PACRG: variants seen among roughly 807,000 people sequenced by gnomAD.
PACRG encodes parkin coregulated.
In PACRG, 29 loss-of-function variants were observed where a neutral mutation model predicts 29.7. That is an observed-to-expected ratio of 0.98 (90% CI 0.73 to 1.33). PACRG has a LOEUF of 1.33. Among genes scored for constraint, PACRG ranks in the 40% most tolerant of loss-of-function variants. The pLI is 0.00. For synonymous variants in PACRG, 116 were observed against 118.7 expected (o/e 0.98, Z 0.15); for missense variants, 279 against 316.2 (o/e 0.88, Z 0.89).
Position 162,907,281 on chromosome 6 carries a change from T to G in PACRG, c.291+93000T>G, listed in dbSNP as rs1795998794. On this transcript the variant is annotated intron_variant, in intron 2 of 4. Transcript: ENST00000366888. ...TTCTATAGTTTAAAAATGGCTTAGA[T>G]TCAGTAGTTTATTTGTAAATATTAT... 2.0e-5 allele frequency among the ~76,000 whole-genome samples: 3 copies of G among 152,214 alleles called. No homozygotes were observed. In the South Asian group the frequency reaches 6.2e-4, roughly 31 times the overall value.
intron 2 of PACRG, among the ~76,000 whole-genome samples, chr6:162,954,287 T>G (rs1165283916): frequency 6.6e-6 from 1 of 152,218 alleles, no homozygotes; most frequent in Non-Finnish European, 1.5e-5. Flanking sequence ...ATGCTTTGGT[T>G]ATTTAGCTGT....
At chr6:163,176,769 C>T (rs1187181475) in intron 4 of PACRG, among the ~76,000 whole-genome samples, 1 of 152,176 alleles carries the variant, frequency 6.6e-6, no homozygotes, top group Non-Finnish European at 1.5e-5. Flanking sequence ...GAAATATATT[C>T]TAGGCTAAGG....
At chr6:162,971,465 G>C (rs540838849) in intron 2 of PACRG, among the ~76,000 whole-genome samples, 1 of 152,138 alleles carries the variant, frequency 6.6e-6, no homozygotes, top group Non-Finnish European at 1.5e-5. Flanking sequence ...CACCTTGGGA[G>C]GAAACCAGTC....
intron 4 of PACRG, among the ~76,000 whole-genome samples, chr6:163,294,782 A>G (rs1284635688): frequency 6.6e-6 from 1 of 151,638 alleles, no homozygotes; most frequent in Admixed American, 6.5e-5. Context: ...GAAGGAAAAC[A>G]GTTTTCATCT....
At chr6:163,037,884 T>A (rs1217906462) in intron 2 of PACRG, among the ~76,000 whole-genome samples, 3 of 152,276 alleles carry the variant, frequency 2.0e-5, no homozygotes, top group East Asian at 3.9e-4. Context: ...CTACTCCAAC[T>A]AGGAAGACAA....
chr6:162,924,042 G>A lies in PACRG; in HGVS notation c.291+109761G>A, dbSNP rs543712303. ...AGATATCTTTTCTTTTTTTGGGGGA[G>A]TGGGGTCTTCTTCAATTTCTTCCGC... is the stretch of plus-strand genomic sequence containing the variant. On this transcript the variant is annotated intron_variant, in intron 2 of 4. Transcript: ENST00000366888. Among the ~76,000 whole-genome samples the A allele has an allele frequency of 9.9e-5, 15 of 151,900 alleles. No individual in the cohort carries two copies. The East Asian group carries it at 1.7e-3, about 18-fold the overall frequency.
chr6:163,269,789 A>AAGGAAGG lies in PACRG; in HGVS notation c.614-45037_614-45036insGGAAGGA, dbSNP rs58330449. ...GACAGACAGACAGACAGACAGAAAG[A>AAGGAAGG]AAGAAAGGAAGGAAGGAAGGAAGGA... is the stretch of plus-strand genomic sequence containing the variant. On this transcript the variant is annotated intron_variant, in intron 4 of 4. Coordinates refer to ENST00000366888, the MANE Select transcript of PACRG (RefSeq NM_001080379.2). Among the ~76,000 whole-genome samples the AAGGAAGG allele has an allele frequency of 1.7e-4, 14 of 84,604 alleles. 2 individuals carry two copies. Among genetic ancestry groups the AAGGAAGG allele is most frequent in the South Asian group, 7.5e-4 (2 of 2,674 alleles). The allele number at this position is 84,604 out of a possible 152,430, so 55.5% of individuals were successfully genotyped here.
chr6:163,288,322 C>T (rs770303145), intron 4 of PACRG, among the ~76,000 whole-genome samples: 1 of 152,136 alleles, frequency 6.6e-6, no homozygotes, highest in African/African-American at 2.4e-5. Context: ...ATTCTGTAAC[C>T]GAGGTCATTA....
intron 2 of PACRG, among the ~76,000 whole-genome samples, chr6:162,912,376 G>A (rs1053798886): frequency 6.6e-6 from 1 of 152,062 alleles, no homozygotes; most frequent in East Asian, 1.9e-4. Context: ...GTCTTCGGGT[G>A]CATGTGTATG....
chr6:163,183,078 A>G (rs757641792), intron 4 of PACRG: 7 of 152,240 alleles, frequency 4.6e-5, no homozygotes, highest in Non-Finnish European at 8.8e-5. Flanking sequence ...ACAATTGAAG[A>G]GTGAATGAAT....
chr6:163,191,002 A>G, intron 4 of PACRG: 1 of 453,840 alleles, frequency 2.2e-6, no homozygotes, highest in Non-Finnish European at 4.4e-6. Context: ...GAAATCCCTT[A>G]TTTAGCATTT....
chr6:163,239,231 T>C (rs1782366305), intron 4 of PACRG, among the ~76,000 whole-genome samples: 3 of 152,230 alleles, frequency 2.0e-5, no homozygotes, highest in Non-Finnish European at 4.4e-5. Flanking sequence ...TAAGATATGA[T>C]TATTTTTCTA....
chr6:162,856,297 T>C (rs1272575935), intron 2 of PACRG, among the ~76,000 whole-genome samples: 2 of 152,158 alleles, frequency 1.3e-5, no homozygotes, highest in Non-Finnish European at 2.9e-5. Flanking sequence ...GGCCTCAAGC[T>C]ATCTTCCCAC....
At chr6:163,246,965 C>G (rs1782721693) in intron 4 of PACRG, among the ~76,000 whole-genome samples, 1 of 152,198 alleles carries the variant, frequency 6.6e-6, no homozygotes, top group South Asian at 2.1e-4. Context: ...AGGGCAATGT[C>G]CTCAGCAGTA....
chr6:162,826,890 ATCTTTCAAATGCTTTCCATT>A (rs1562637726), intron 2 of PACRG, among the ~76,000 whole-genome samples: 3 of 152,218 alleles, frequency 2.0e-5, no homozygotes, highest in Non-Finnish European at 2.9e-5. Flanking sequence ...AATGGAAAAC[ATCTTTCAAATGCTTTCCATT>A]TGCAGTAAGT....
chr6:162,872,314 T>C (rs1052944797), intron 2 of PACRG, among the ~76,000 whole-genome samples: 8 of 152,238 alleles, frequency 5.3e-5, no homozygotes, highest in African/African-American at 1.9e-4. Flanking sequence ...ACTTGATAAA[T>C]GTAATTTTAA....
At chr6:162,852,214 T>C (rs1228635364) in intron 2 of PACRG, among the ~76,000 whole-genome samples, 3 of 152,208 alleles carry the variant, frequency 2.0e-5, no homozygotes, top group African/African-American at 7.2e-5. Context: ...TTCAATCCAG[T>C]TTTTTTGTGA....
At chr6:162,936,530 TAGTG>T (rs1245214986) in intron 2 of PACRG, among the ~76,000 whole-genome samples, 9 of 152,316 alleles carry the variant, frequency 5.9e-5, no homozygotes, top group Admixed American at 1.3e-4. Context: ...TCAGAATTGG[TAGTG>T]AGAGGACATT....
intron 1 of PACRG, among the ~76,000 whole-genome samples, chr6:162,764,206 C>T (rs1049614340): frequency 2.0e-5 from 3 of 151,562 alleles, no homozygotes; most frequent in South Asian, 2.1e-4. Flanking sequence ...ACCCAGGAGG[C>T]GGAGGTTGCA....
Sources: allele counts gnomAD v4.1 joint callset (sites outside exome capture counted in the v4.1 genomes callset), GRCh38; gene constraint gnomAD v4.1.1; transcripts MANE v1.5; gene names NCBI Gene and HGNC (gene_info 2026-07-23, HGNC 2026-07-21).